PBX3: variants seen among roughly 807,000 people sequenced by gnomAD.
The protein encoded by PBX3 is pre-B-cell leukemia transcription factor 3.
A neutral mutation model predicts 48.5 loss-of-function variants in PBX3; 14 were observed. The ratio of observed to expected loss-of-function variants is 0.29; its 90% CI spans 0.19 to 0.45. PBX3 has a LOEUF of 0.45. Ranked by LOEUF, PBX3 falls within the 20% of genes least tolerant of loss-of-function variation. The pLI, the probability that PBX3 is intolerant of heterozygous loss-of-function variation, is 1.00. For missense variants in PBX3, 386 were observed against 546.7 expected, an observed-to-expected ratio of 0.71 and a Z score of 2.93; for synonymous variants, 210 against 200.3, an observed-to-expected ratio of 1.05 and a Z score of -0.41.
intron 2 of PBX3, among the ~76,000 whole-genome samples, chr9:125,845,135 T>C (rs1288801558): frequency 2.0e-5 from 3 of 152,124 alleles, no homozygotes; most frequent in East Asian, 1.9e-4. Flanking sequence ...GGGATTGCTA[T>C]GTCTCCGTAC....
chr9:125,847,382 G>A (rs72752630), intron 2 of PBX3, among the ~76,000 whole-genome samples: 243 of 151,992 alleles, frequency 1.6e-3, no homozygotes, highest in Non-Finnish European at 2.6e-3. Flanking sequence ...CCAACAATAG[G>A]TGAATTGATT....
intron 2 of PBX3, among the ~76,000 whole-genome samples, chr9:125,809,600 A>C (rs1412532533): frequency 1.3e-5 from 2 of 152,212 alleles, no homozygotes; most frequent in Non-Finnish European, 1.5e-5. Flanking sequence ...GAAAGCAAAT[A>C]AACTGTAAAA....
At chr9:125,803,961 T>C (rs1371212720) in intron 2 of PBX3, among the ~76,000 whole-genome samples, 1 of 152,026 alleles carries the variant, frequency 6.6e-6, no homozygotes, top group East Asian at 1.9e-4. Flanking sequence ...AAAAGGTGAA[T>C]AACTGGTGTA....
chr9:125,899,485 A>AGC (rs1840889408), intron 2 of PBX3, among the ~76,000 whole-genome samples: 1 of 123,322 alleles, frequency 8.1e-6, no homozygotes. Flanking sequence ...AGAGAGAGAG[A>AGC]GAGCTCACCC....
At chr9:125,955,628 A>G (rs981545420) in intron 5 of PBX3, among the ~76,000 whole-genome samples, 4 of 152,172 alleles carry the variant, frequency 2.6e-5, no homozygotes, top group African/African-American at 9.7e-5. Context: ...TGGAGTTTCA[A>G]TAAAAGCACT....
At chr9:125,916,470 A>G (rs1000797421) in intron 3 of PBX3, among the ~76,000 whole-genome samples, 9 of 152,224 alleles carry the variant, frequency 5.9e-5, no homozygotes, top group African/African-American at 4.8e-5. Context: ...ACCCCAGGAC[A>G]GGGAATGCTA....
chr9:125,813,010 C>T (rs776789267), intron 2 of PBX3, among the ~76,000 whole-genome samples: 22 of 152,204 alleles, frequency 1.4e-4, no homozygotes, highest in Non-Finnish European at 2.6e-4. Context: ...GTGCATACTA[C>T]CGCACACTTT....
chr9:125,960,538 C>T, intron 5 of PBX3, 146 bp from the exon 6 acceptor site: 2 of 666,504 alleles, frequency 3.0e-6, no homozygotes, highest in South Asian at 4.0e-5. Context: ...CCCCCAAAAC[C>T]ATTATGCATG....
At chr9:125,799,275 G>A (rs771577416) in intron 2 of PBX3, among the ~76,000 whole-genome samples, 9 of 152,122 alleles carry the variant, frequency 5.9e-5, no homozygotes, top group Admixed American at 2.6e-4. Context: ...GCACTTTGGG[G>A]GCCAAGGTGG....
At chr9:125,773,725 G>A (rs1284627973) in intron 2 of PBX3, among the ~76,000 whole-genome samples, 2 of 152,132 alleles carry the variant, frequency 1.3e-5, no homozygotes, top group Non-Finnish European at 2.9e-5. Flanking sequence ...CGGGGTCGTA[G>A]CATATGTTCG....
chr9:125,907,546 C>T (rs1485450821), intron 2 of PBX3, among the ~76,000 whole-genome samples: 1 of 151,970 alleles, frequency 6.6e-6, no homozygotes, highest in East Asian at 1.9e-4. Context: ...CTATTTTAGG[C>T]ATTTTATGTC....
intron 2 of PBX3, among the ~76,000 whole-genome samples, chr9:125,812,776 T>C (rs1328828394): frequency 6.6e-6 from 1 of 152,254 alleles, no homozygotes; most frequent in Non-Finnish European, 1.5e-5. Context: ...CTCATTATTG[T>C]TCCTAGGCTA....
At chr9:125,793,364 A>ATATATATATATATATAT (rs1263966407) in intron 2 of PBX3, among the ~76,000 whole-genome samples, 15 of 59,092 alleles carry the variant, frequency 2.5e-4, no homozygotes, top group African/African-American at 7.1e-4. Context: ...GGGGAAAAAA[A>ATATATATATATATATAT]AAATATATAT....
At chr9:125,776,384 A>G (rs767205951) in intron 2 of PBX3, among the ~76,000 whole-genome samples, 1 of 152,128 alleles carries the variant, frequency 6.6e-6, no homozygotes, top group African/African-American at 2.4e-5. Context: ...TTTTTGGACT[A>G]AATTCCATTT....
chr9:125,866,852 C>T (rs1417266088), intron 2 of PBX3, among the ~76,000 whole-genome samples: 5 of 152,142 alleles, frequency 3.3e-5, no homozygotes, highest in African/African-American at 9.7e-5. Flanking sequence ...TTGGTGATTT[C>T]CATGGTACCT....
intron 2 of PBX3, among the ~76,000 whole-genome samples, chr9:125,877,052 G>A (rs185289768): frequency 1.4e-4 from 22 of 152,192 alleles, no homozygotes; most frequent in African/African-American, 7.2e-5. Flanking sequence ...GATTACAGGC[G>A]TGAGCCACCG....
At chr9:125,872,707 C>G (rs1840155017) in intron 2 of PBX3, among the ~76,000 whole-genome samples, 1 of 151,650 alleles carries the variant, frequency 6.6e-6, no homozygotes, top group Non-Finnish European at 1.5e-5. Flanking sequence ...TTGCAGTGAC[C>G]TATGATCATG....
intron 2 of PBX3, among the ~76,000 whole-genome samples, chr9:125,819,959 T>TA (rs1313150197): frequency 6.6e-6 from 1 of 152,220 alleles, no homozygotes; most frequent in Non-Finnish European, 1.5e-5. Context: ...GGAGGATTAA[T>TA]ATGGAATTTG....
intron 2 of PBX3, among the ~76,000 whole-genome samples, chr9:125,801,728 C>T (rs1057039153): frequency 1.3e-5 from 2 of 150,726 alleles, no homozygotes; most frequent in Non-Finnish European, 2.9e-5. Flanking sequence ...TGCATGTGTT[C>T]TTCACCTAGT....
Sources: allele counts gnomAD v4.1 joint callset (sites outside exome capture counted in the v4.1 genomes callset), GRCh38; gene constraint gnomAD v4.1.1; transcripts MANE v1.5; gene names NCBI Gene and HGNC (gene_info 2026-07-23, HGNC 2026-07-21).